Variants in TAMM41 observed in about 807,000 individuals in gnomAD.
TAMM41 encodes phosphatidate cytidylyltransferase, mitochondrial.
In TAMM41, 36 loss-of-function variants were observed where a neutral mutation model predicts 44.1. The ratio of observed to expected loss-of-function variants is 0.82; its 90% confidence interval spans 0.63 to 1.08. The LOEUF (loss-of-function observed/expected upper bound fraction) is 1.08. TAMM41 is among the 50% of genes least tolerant of loss of function. The pLI, the probability that TAMM41 is intolerant of heterozygous loss-of-function variation, is 0.00. For missense variants in TAMM41, 417 were observed against 404.3 expected (o/e 1.03, Z -0.27); for synonymous variants, 164 against 153.1 (o/e 1.07, Z -0.53).
the TAMM41 span, among the ~76,000 whole-genome samples, chr3:11,772,385 G>A: frequency 1.3e-5 from 2 of 152,138 alleles, no homozygotes; most frequent in East Asian, 3.9e-4. Context: ...CCAGCCCAGT[G>A]TCTGTTTTTC....
At chr3:11,843,785 T>C (rs2079551605) in intron 2 of TAMM41, 2 of 476,096 alleles carry the variant, frequency 4.2e-6, no homozygotes, top group Admixed American at 3.6e-5. Flanking sequence ...TGACAGTTAA[T>C]GGGACATGAG....
At chr3:11,839,083 A>C in intron 3 of TAMM41, 139 bp downstream of exon 3, 1 of 509,252 alleles carries the variant, frequency 2.0e-6, no homozygotes, top group Admixed American at 3.5e-5. Context: ...ATTTGGCAAT[A>C]AATTTTATAG....
At chr3:11,829,341 A>C (rs939491000) in intron 4 of TAMM41, among the ~76,000 whole-genome samples, 36 of 152,210 alleles carry the variant, frequency 2.4e-4, no homozygotes, top group African/African-American at 8.4e-4. Flanking sequence ...GACACAGGCT[A>C]AAGTTTGAAA....
At chr3:11,750,037 C>T in the TAMM41 span, among the ~76,000 whole-genome samples, 15 of 151,972 alleles carry the variant, frequency 9.9e-5, no homozygotes, top group East Asian at 2.5e-3. Context: ...GCTGGGACTA[C>T]AGGCGCCTGC....
chr3:11,814,850 GT>G (rs1442636013), intron 5 of TAMM41, among the ~76,000 whole-genome samples: 1 of 152,104 alleles, frequency 6.6e-6, no homozygotes, highest in African/African-American at 2.4e-5. Flanking sequence ...AGTCCCAGTA[GT>G]TACTCAGGAG....
chr3:11,741,971 C>T, the TAMM41 span, among the ~76,000 whole-genome samples: 2 of 150,158 alleles, frequency 1.3e-5, no homozygotes, highest in Non-Finnish European at 2.9e-5. Context: ...CAGAACGGCA[C>T]AAAATTCCAT....
the TAMM41 span, among the ~76,000 whole-genome samples, chr3:11,772,086 T>TC: frequency 6.6e-6 from 1 of 151,774 alleles, no homozygotes; most frequent in Non-Finnish European, 1.5e-5. Context: ...TTTCTTTTTT[T>TC]TTGAGACAGA....
At chr3:11,818,869 GC>G (rs1163407316) in intron 4 of TAMM41, among the ~76,000 whole-genome samples, 1 of 146,756 alleles carries the variant, frequency 6.8e-6, no homozygotes, top group East Asian at 2.1e-4. Flanking sequence ...CTGCACTCCA[GC>G]CTGGGTGATG....
downstream of TAMM41, among the ~76,000 whole-genome samples, chr3:11,788,932 C>G (rs1449100134): frequency 6.7e-6 from 1 of 149,552 alleles, no homozygotes; most frequent in Non-Finnish European, 1.5e-5. Context: ...GGCGAAATTC[C>G]ATCTTGAAAA....
chr3:11,790,468 A>T lies in TAMM41; in HGVS notation c.*37T>A. On this transcript the variant is annotated 3_prime_UTR_variant, in exon 8 of 8. Transcript: ENST00000455809. ...TCTGTCAAAAAGGATCAAACACTTTATTCATCTACACATAACATATATAAA... is the reference window on the plus strand; with the variant it reads ...TCTGTCAAAAAGGATCAAACACTTTTTTCATCTACACATAACATATATAAA... The T allele has an allele frequency of 6.5e-7, 1 of 1,540,774 alleles. No individual in the cohort carries two copies. Among genetic ancestry groups the T allele is most frequent in the Non-Finnish European group, 9.0e-7 (1 of 1,115,264 alleles).
At chr3:11,763,818 T>C in the TAMM41 span, among the ~76,000 whole-genome samples, 1 of 152,234 alleles carries the variant, frequency 6.6e-6, no homozygotes, top group Non-Finnish European at 1.5e-5. Context: ...CCCAGATCTT[T>C]CTTTCCATTT....
chr3:11,742,389 G>GA, the TAMM41 span, among the ~76,000 whole-genome samples: 2 of 150,266 alleles, frequency 1.3e-5, no homozygotes, highest in African/African-American at 5.0e-5. Context: ...ATTCCTTGAA[G>GA]ATTCATCCCA....
chr3:11,826,926 C>G (rs551388452), intron 4 of TAMM41: 2 of 152,300 alleles, frequency 1.3e-5, no homozygotes, highest in Admixed American at 6.5e-5. Context: ...GCTATTTTCC[C>G]TGCCATTAAG....
At chr3:11,821,048 C>A (rs2078499925) in intron 4 of TAMM41, among the ~76,000 whole-genome samples, 1 of 152,190 alleles carries the variant, frequency 6.6e-6, no homozygotes, top group African/African-American at 2.4e-5. Flanking sequence ...GAGTCCTTCA[C>A]TGTAAAATGG....
the TAMM41 span, among the ~76,000 whole-genome samples, chr3:11,725,181 C>G: frequency 1.2e-4 from 9 of 78,076 alleles, 1 homozygote; most frequent in Non-Finnish European, 6.1e-5. Context: ...TGTTCTCTTC[C>G]CTCTTTTGCT....
At chr3:11,789,864 G>A (rs2077442819), downstream of TAMM41, among the ~76,000 whole-genome samples, 1 of 152,236 alleles carries the variant, frequency 6.6e-6, no homozygotes, top group African/African-American at 2.4e-5. Context: ...AGGGCAGAGA[G>A]ATGGAGAGAA....
the TAMM41 span, among the ~76,000 whole-genome samples, chr3:11,737,284 C>CATT: frequency 0.15 from 19,671 of 131,374 alleles, 1,609 homozygotes; most frequent in Admixed American, 0.22. Context: ...TGTTGGCTTA[C>CATT]ATTATTATTA....
At chr3:11,836,284 C>T (rs1372091186) in intron 3 of TAMM41, among the ~76,000 whole-genome samples, 1 of 152,076 alleles carries the variant, frequency 6.6e-6, no homozygotes, top group African/African-American at 2.4e-5. Context: ...AGTCACTGCA[C>T]CCAGCCCTGC....
chr3:11,833,458 C>T (rs2079062851), intron 3 of TAMM41, among the ~76,000 whole-genome samples: 1 of 152,116 alleles, frequency 6.6e-6, no homozygotes, highest in Non-Finnish European at 1.5e-5. Context: ...AATACTCAAC[C>T]GCCCACCAGA....
Sources: allele counts gnomAD v4.1 joint callset (sites outside exome capture counted in the v4.1 genomes callset), GRCh38; gene constraint gnomAD v4.1.1; transcripts MANE v1.5; gene names NCBI Gene and HGNC (gene_info 2026-07-23, HGNC 2026-07-21).